The following PCDHGB1 variants were observed in gnomAD, a reference collection of about 807,000 sequenced individuals.
The protein encoded by PCDHGB1 is protocadherin gamma-B1.
Under a neutral mutation model 56.6 loss-of-function variants are expected in PCDHGB1, and 34 were observed. That is an observed-to-expected ratio of 0.60 (90% CI 0.46 to 0.80). The LOEUF (loss-of-function observed/expected upper bound fraction) is 0.80. Among genes scored for constraint, PCDHGB1 ranks in the 30% least tolerant of loss-of-function variants. PCDHGB1 has a pLI of 0.00. For synonymous variants in PCDHGB1, 561 were observed against 505.9 expected, an observed-to-expected ratio of 1.11 and a Z score of -1.46; for missense variants, 1,278 against 1,204.6, an observed-to-expected ratio of 1.06 and a Z score of -0.90.
Position 141,399,568 on chromosome 5 carries a change from G to A in PCDHGB1, c.2409+46899G>A, listed in dbSNP as rs776963716. ...CTCGGACCTGGACTTGGGGTTGAAC[G>A]GCCAAGTCTCCTACTCTATCATGGC... is the stretch of plus-strand genomic sequence containing the variant. On this transcript the variant is annotated intron_variant, in intron 1 of 3. Transcript: ENST00000523390. The A allele has an allele frequency of 3.1e-6, 5 of 1,613,926 alleles. No individual in the cohort carries two copies. The East Asian group carries it at 8.9e-5, about 29-fold the overall frequency.
Position 141,489,712 on chromosome 5 carries a change from C to T in PCDHGB1, c.2410-5095C>T. On this transcript the variant is annotated intron_variant, in intron 1 of 3. Coordinates refer to ENST00000523390, the MANE Select transcript of PCDHGB1 (RefSeq NM_018922.3). The surrounding 1 kb of genome is among the most constrained non-coding windows in gnomAD (Gnocchi z 4.5). The stretch of plus-strand genomic sequence containing the variant: ...GGCACGATTCCCACTGGACAGTGCC[C>T]AGGATCCGGATGTGGGCACCAATAC... The T allele has an allele frequency of 6.2e-7, 1 of 1,614,162 alleles. No individual in the cohort carries two copies. The highest frequency in any genetic ancestry group is 1.1e-5 in the South Asian group (1 of 91,078).
At chr5:141,354,628 A>G (rs1014286107) in intron 1 of PCDHGB1, among the ~76,000 whole-genome samples, 4 of 152,218 alleles carry the variant, frequency 2.6e-5, no homozygotes, top group Non-Finnish European at 4.4e-5. Flanking sequence ...CTTTTCACTT[A>G]TCTGTCTCAT....
intron 1 of PCDHGB1, among the ~76,000 whole-genome samples, chr5:141,359,356 A>G (rs1412522225): frequency 1.3e-5 from 2 of 152,160 alleles, no homozygotes; most frequent in Non-Finnish European, 2.9e-5. Flanking sequence ...CATGTTTTAA[A>G]GGCCTAGGAA....
chr5:141,418,498 C>T (rs181453589), intron 1 of PCDHGB1: 10 of 1,613,968 alleles, frequency 6.2e-6, no homozygotes, highest in East Asian at 2.2e-5. Context: ...TGGTACTGAC[C>T]GCCTTAGATG....
Position 141,408,446 on chromosome 5 carries a change from G to A in PCDHGB1, c.2409+55777G>A, listed in dbSNP as rs371079756. 1.7e-5 allele frequency: 28 copies of A among 1,613,946 alleles called. No individual in the cohort carries two copies. Among genetic ancestry groups the A allele is most frequent in the Non-Finnish European group, 1.1e-5 (13 of 1,179,916 alleles). On this transcript the variant is annotated intron_variant, in intron 1 of 3. Transcript: ENST00000523390. ...GCACTTCAGCGTAGACGCGGAGAGC[G>A]GGGACTTACTTGTGAAGAACCGAAT...
rs553860713 is a variant in PCDHGB1, at chr5:141,410,124, G to C, written c.2409+57455G>C. On this transcript the variant is annotated intron_variant, in intron 1 of 3. Coordinates refer to ENST00000523390, the MANE Select transcript of PCDHGB1 (RefSeq NM_018922.3). ...GGCGACAGGGACGCAGCCCGCCAGC[G>C]CCTGCTGGTCGCTGTGCGTGACGGT... is the stretch of plus-strand genomic sequence containing the variant. 1.2e-5 allele frequency: 20 copies of C among 1,612,726 alleles called. No homozygotes were observed. In the South Asian group the frequency reaches 2.2e-4, roughly 18 times the overall value.
In PCDHGB1 at chr5:141,371,087, T is replaced by C. The variant is rs761408104; in HGVS notation, c.2409+18418T>C. ...GCTGTACCACCCAGATCAGGGTAAT[T>C]GTCGCAGATGCAAATGATAACCCCC... On this transcript the variant is annotated intron_variant, in intron 1 of 3. Transcript: ENST00000523390. 8 of 1,613,772 alleles carry C rather than the reference T, an allele frequency of 5.0e-6. No individual in the cohort carries two copies. The South Asian group carries it at 8.8e-5, about 18-fold the overall frequency.
At chr5:141,367,492 G>A (rs1260519213) in intron 1 of PCDHGB1, 2 of 152,030 alleles carry the variant, frequency 1.3e-5, no homozygotes, top group African/African-American at 2.4e-5. Context: ...AGCCGAGATC[G>A]CGCCACTGCA....
rs1254438724 is a variant in PCDHGB1 at position 141,389,817 on chromosome 5, C to T, written c.2409+37148C>T. 17 of 1,613,870 alleles carry T rather than the reference C, an allele frequency of 1.1e-5. No homozygotes were observed. Among genetic ancestry groups the T allele is most frequent in the Non-Finnish European group, 1.4e-5 (16 of 1,179,892 alleles). On this transcript the variant is annotated intron_variant, in intron 1 of 3. Transcript: ENST00000523390. ...CCGCCAGCGCCTTCTGGTCGCCGTG[C>T]GTGACGGTGGACAGCCACCACTCTC...
intron 1 of PCDHGB1, chr5:141,420,202 C>G: frequency 1.2e-6 from 2 of 1,613,256 alleles, no homozygotes; most frequent in Non-Finnish European, 1.7e-6. Context: ...AAGATAACCT[C>G]AACAAAGATA....
At chr5:141,506,930 T>C (rs2099857287) in intron 3 of PCDHGB1, among the ~76,000 whole-genome samples, 1 of 152,150 alleles carries the variant, frequency 6.6e-6, no homozygotes, top group African/African-American at 2.4e-5. Context: ...AAACAAACTT[T>C]AGGGGCCTCC....
intron 1 of PCDHGB1, among the ~76,000 whole-genome samples, chr5:141,446,153 AT>A (rs1158236808): frequency 1.3e-5 from 2 of 152,362 alleles, no homozygotes; most frequent in East Asian, 3.9e-4. Flanking sequence ...TAGGTGGAAT[AT>A]AAATTTCATG....
chr5:141,399,832 G>A, intron 1 of PCDHGB1: 1 of 1,613,152 alleles, frequency 6.2e-7, no homozygotes, highest in African/African-American at 1.3e-5. Flanking sequence ...CGACGGCTCT[G>A]CGCTCTTCGA....
intron 1 of PCDHGB1, chr5:141,427,831 G>A (rs2097077070): frequency 6.5e-7 from 1 of 1,539,366 alleles, no homozygotes; most frequent in East Asian, 2.2e-5. Context: ...GTCGCGCAGC[G>A]TGCCTTCGAC....
intron 1 of PCDHGB1, chr5:141,423,323 C>T (rs200492485): frequency 6.2e-7 from 1 of 1,614,146 alleles, no homozygotes; most frequent in East Asian, 2.2e-5. Flanking sequence ...GTGGCGGTGG[C>T]CGCAGTCTCC....
rs561824381 is a variant in PCDHGB1 at position 141,449,084 on chromosome 5, C to T, written c.2410-45723C>T. Among the ~76,000 whole-genome samples, 8 of 152,250 alleles carry T rather than the reference C, an allele frequency of 5.3e-5. No individual in the cohort carries two copies. In the East Asian group the frequency reaches 1.4e-3, roughly 26 times the overall value. The stretch of plus-strand genomic sequence containing the variant: ...CTATTGAATAGCCCTGTACCTACAT[C>T]AGTTTTTACATATGCAGTATATCTT... On this transcript the variant is annotated intron_variant, in intron 1 of 3. Transcript: ENST00000523390.
Position 141,476,176 on chromosome 5 carries a change from G to C in PCDHGB1, c.2410-18631G>C, listed in dbSNP as rs778169270. 1 of 1,613,530 alleles carries C rather than the reference G, an allele frequency of 6.2e-7. No homozygotes were observed. The highest frequency in any genetic ancestry group is 8.5e-7 in the Non-Finnish European group (1 of 1,180,006). On this transcript the variant is annotated intron_variant, in intron 1 of 3. Transcript: ENST00000523390. The surrounding 1 kb of genome is among the most constrained non-coding windows in gnomAD (Gnocchi z 7.6). ...GCACCGGGAGGGTAGTGGGAGTTTT[G>C]CTTCTGCTTGGTGCCTTGAACAAGG...
chr5:141,414,243 A>G (rs2154544977), intron 1 of PCDHGB1: 1 of 1,613,556 alleles, frequency 6.2e-7, no homozygotes. Context: ...TCACGTCTCT[A>G]TTTAGTCCAG....
intron 1 of PCDHGB1, chr5:141,388,297 T>C (rs2091308790): frequency 1.9e-6 from 3 of 1,613,660 alleles, no homozygotes; most frequent in African/African-American, 2.7e-5. Flanking sequence ...CAAAATTCCT[T>C]TGAGCTGCAA....
Sources: allele counts gnomAD v4.1 joint callset (sites outside exome capture counted in the v4.1 genomes callset), GRCh38; gene constraint gnomAD v4.1.1; non-coding constraint Gnocchi (gnomAD v3.1); transcripts MANE v1.5; gene names NCBI Gene and HGNC (gene_info 2026-07-23, HGNC 2026-07-21).